The following CPQ variants were observed in gnomAD, a reference collection of about 807,000 sequenced individuals.
CPQ encodes Ser-Met dipeptidase.
Under a neutral mutation model 45.7 loss-of-function variants are expected in CPQ, and 37 were observed. The observed-to-expected ratio is 0.81, with a 90% confidence interval of 0.62 to 1.07. The LOEUF (loss-of-function observed/expected upper bound fraction) is 1.07. Ranked by LOEUF, CPQ falls within the 50% of genes least tolerant of loss-of-function variation. CPQ has a pLI of 0.00. For missense variants in CPQ, 537 were observed against 572.9 expected (o/e 0.94, Z 0.64); for synonymous variants, 186 against 205.8 (o/e 0.90, Z 0.82).
chr8:96,884,533 A>G (rs757289540), intron 4 of CPQ, among the ~76,000 whole-genome samples: 2 of 152,346 alleles, frequency 1.3e-5, no homozygotes, highest in South Asian at 2.1e-4. Context: ...AGAAAAAAAG[A>G]CAAAGAGAGA....
chr8:96,813,265 G>A (rs890147972), intron 2 of CPQ, among the ~76,000 whole-genome samples: 52 of 152,260 alleles, frequency 3.4e-4, no homozygotes, highest in African/African-American at 1.2e-3. Flanking sequence ...TAGAGAATAA[G>A]CCAAGGCTGG....
At chr8:96,742,023 G>T (rs1245609313) in intron 1 of CPQ, among the ~76,000 whole-genome samples, 1 of 143,540 alleles carries the variant, frequency 7.0e-6, no homozygotes, top group East Asian at 2.0e-4. Context: ...CAATTCCTGG[G>T]TATCCTTGTT....
chr8:96,880,345 C>T (rs1586436326), intron 4 of CPQ, among the ~76,000 whole-genome samples: 1 of 151,592 alleles, frequency 6.6e-6, no homozygotes, highest in Non-Finnish European at 1.5e-5. Context: ...ACAGAATTAG[C>T]GTTTGACCCA....
intron 3 of CPQ, among the ~76,000 whole-genome samples, chr8:96,871,826 CT>C (rs759216652): frequency 6.6e-6 from 1 of 151,876 alleles, no homozygotes; most frequent in Non-Finnish European, 1.5e-5. Flanking sequence ...TCTTTTGCCA[CT>C]TCCTCTCCTG....
chr8:97,118,343 A>G (rs1160585560), intron 7 of CPQ, among the ~76,000 whole-genome samples: 1 of 152,078 alleles, frequency 6.6e-6, no homozygotes. Flanking sequence ...TAGGTCACTG[A>G]CCCCAGAGAA....
chr8:96,966,373 T>G (rs1345718811), intron 5 of CPQ, among the ~76,000 whole-genome samples: 1 of 152,208 alleles, frequency 6.6e-6, no homozygotes, highest in Non-Finnish European at 1.5e-5. Context: ...ACCTCCTACT[T>G]CCTTTCCCTT....
At chr8:96,659,491 T>C (rs2130710754) in intron 1 of CPQ, among the ~76,000 whole-genome samples, 1 of 152,310 alleles carries the variant, frequency 6.6e-6, no homozygotes, top group African/African-American at 2.4e-5. Flanking sequence ...TCCGAGTTCT[T>C]TACATGTTGG....
At chr8:97,130,773 C>A (rs1041425873) in intron 7 of CPQ, among the ~76,000 whole-genome samples, 7 of 152,234 alleles carry the variant, frequency 4.6e-5, no homozygotes, top group Admixed American at 3.9e-4. Flanking sequence ...ATATTCATTT[C>A]CCAGGCTGCT....
intron 7 of CPQ, among the ~76,000 whole-genome samples, chr8:97,105,609 A>T (rs1364025634): frequency 3.9e-5 from 6 of 152,232 alleles, no homozygotes; most frequent in African/African-American, 9.6e-5. Context: ...CCTAAGGAAC[A>T]TGCAAACTAT....
rs538530939 is a variant in CPQ, at chr8:96,721,591, C to A, written c.-34-63273C>A. 5.3e-5 allele frequency among the ~76,000 whole-genome samples: 8 copies of A among 152,236 alleles called. No individual in the cohort carries two copies. In the East Asian group the frequency reaches 1.2e-3, roughly 22 times the overall value. On this transcript the variant is annotated intron_variant, in intron 1 of 7. Coordinates refer to ENST00000220763, the MANE Select transcript of CPQ (RefSeq NM_016134.4). ...ATAATTTTCTAACAGGTCTTCTGAT[C>A]TCCTTACTTTCAGCCTCCATACTAC... is the stretch of plus-strand genomic sequence containing the variant.
intron 5 of CPQ, among the ~76,000 whole-genome samples, chr8:97,004,251 A>C (rs1190328961): frequency 6.6e-6 from 1 of 152,058 alleles, no homozygotes; most frequent in Non-Finnish European, 1.5e-5. Flanking sequence ...TAAATAAGTA[A>C]AGGTCCAAAA....
intron 1 of CPQ, among the ~76,000 whole-genome samples, chr8:96,669,016 C>T (rs1275218204): frequency 1.3e-5 from 2 of 152,198 alleles, no homozygotes; most frequent in African/African-American, 4.8e-5. Context: ...ATGTATTCAG[C>T]AAAGACTGAG....
At chr8:96,816,618 G>A (rs1811232005) in intron 2 of CPQ, among the ~76,000 whole-genome samples, 2 of 152,098 alleles carry the variant, frequency 1.3e-5, no homozygotes, top group African/African-American at 2.4e-5. Flanking sequence ...CACAATCTAT[G>A]GCAGCCATAG....
At chr8:96,931,203 C>T (rs551437079) in intron 4 of CPQ, among the ~76,000 whole-genome samples, 2 of 152,270 alleles carry the variant, frequency 1.3e-5, no homozygotes, top group South Asian at 2.1e-4. Flanking sequence ...AACCTTTTTG[C>T]CTTATAGCCA....
intron 2 of CPQ, among the ~76,000 whole-genome samples, chr8:96,816,134 C>G (rs978219414): frequency 1.3e-5 from 2 of 152,116 alleles, no homozygotes; most frequent in African/African-American, 4.8e-5. Flanking sequence ...TAGCATTTTT[C>G]CCACAGTAGG....
chr8:97,138,101 C>T (rs972620819), intron 7 of CPQ, among the ~76,000 whole-genome samples: 4 of 152,192 alleles, frequency 2.6e-5, no homozygotes, highest in Non-Finnish European at 5.9e-5. Flanking sequence ...AGTCACCCCA[C>T]CTTCTCATTC....
chr8:97,091,854 A>G (rs377181074), intron 7 of CPQ, among the ~76,000 whole-genome samples: 4 of 150,572 alleles, frequency 2.7e-5, no homozygotes, highest in Non-Finnish European at 5.9e-5. Flanking sequence ...ATGGATGGAT[A>G]GATGGATGGA....
At chr8:96,793,024 G>A (rs1431966578) in intron 2 of CPQ, among the ~76,000 whole-genome samples, 16 of 151,730 alleles carry the variant, frequency 1.1e-4, no homozygotes, top group Non-Finnish European at 1.5e-5. Context: ...AACAGCATGG[G>A]GGTTACTGCC....
chr8:97,119,466 G>A (rs1421403042), intron 7 of CPQ, among the ~76,000 whole-genome samples: 1 of 151,820 alleles, frequency 6.6e-6, no homozygotes, highest in Non-Finnish European at 1.5e-5. Context: ...AATGGTGGGG[G>A]GGAATACAAA....
Sources: gnomAD v4.1 joint callset for allele counts (sites outside exome capture counted in the v4.1 genomes callset) on GRCh38, gnomAD v4.1.1 for gene constraint, MANE v1.5 for transcripts, NCBI Gene and HGNC (gene_info 2026-07-23, HGNC 2026-07-21) for gene names.